ERI2: variants seen among roughly 807,000 people sequenced by gnomAD.
ERI2 encodes the protein ERI1 exoribonuclease family member 2.
A neutral mutation model predicts 46.8 loss-of-function variants in ERI2; 35 were observed. The observed-to-expected ratio is 0.75, with a 90% CI of 0.57 to 0.99. The LOEUF (loss-of-function observed/expected upper bound fraction) is 0.99. Among genes scored for constraint, ERI2 ranks in the 50% least tolerant of loss-of-function variants. The probability of loss-of-function intolerance (pLI) is 0.00; values close to 1 mark genes in which losing one functional copy is unlikely to be tolerated. For synonymous variants in ERI2, 224 were observed against 271.0 expected (o/e 0.83, Z 1.70); for missense variants, 695 against 796.2 (o/e 0.87, Z 1.53).
At chr16:20,791,565 A>G (rs2080597557), downstream of ERI2, among the ~76,000 whole-genome samples, 1 of 152,152 alleles carries the variant, frequency 6.6e-6, no homozygotes, top group South Asian at 2.1e-4. Flanking sequence ...TATTTTCACA[A>G]TCTATCTCTT....
chr16:20,783,649 A>G (rs1263379473), intron 10 of ERI2: 2 of 152,198 alleles, frequency 1.3e-5, no homozygotes, highest in Admixed American at 1.3e-4. Flanking sequence ...TTCACCTGCC[A>G]TAAAATTCAA....
chr16:20,801,483 C>T, intron 4 of ERI2, 124 bp from the exon 5 acceptor site: 1 of 1,085,722 alleles, frequency 9.2e-7, no homozygotes, highest in Non-Finnish European at 1.3e-6. Flanking sequence ...CATGAAAACA[C>T]AGTGTACTGT....
chr16:20,797,708 C>CT lies in ERI2; in HGVS notation c.*15_*16insA, dbSNP rs1173579309. ...GGAAATTCAAGGAACAATTAGGATTCATACATGAAAGGTTATCAATTCCTC... is the reference window on the plus strand; with the variant it reads ...GGAAATTCAAGGAACAATTAGGATTCTATACATGAAAGGTTATCAATTCCTC... On this transcript the variant is annotated 3_prime_UTR_variant, in exon 9 of 9. Coordinates refer to ENST00000357967, the MANE Select transcript of ERI2 (RefSeq NM_001142725.2). The CT allele has an allele frequency of 2.0e-6, 3 of 1,512,908 alleles. No homozygotes were observed. Among genetic ancestry groups the CT allele is most frequent in the Non-Finnish European group, 2.6e-6 (3 of 1,132,094 alleles). The allele number at this position is 1,512,908 out of a possible 1,614,324, so 93.7% of individuals were successfully genotyped here.
intron 10 of ERI2, chr16:20,781,059 T>A: frequency 6.2e-7 from 1 of 1,614,202 alleles, no homozygotes; most frequent in South Asian, 1.1e-5. Context: ...TAGTGTTTTT[T>A]CTCCGTGGAT....
chr16:20,791,927 G>GAAA, downstream of ERI2: 25 of 1,289,678 alleles, frequency 1.9e-5, no homozygotes, highest in Non-Finnish European at 2.0e-5. Context: ...GACTGTCTCG[G>GAAA]AAAAAAAAAA....
rs776505908 is a variant in ERI2 at position 20,797,410 on chromosome 16, A to G, written c.*314T>C. 9 of 1,003,518 alleles carry G rather than the reference A, an allele frequency of 9.0e-6. No homozygotes were observed. The highest frequency in any genetic ancestry group is 1.1e-5 in the Non-Finnish European group (9 of 837,192). The allele number at this position is 1,003,518 out of a possible 1,614,324, so 62.2% of individuals were successfully genotyped here. On this transcript the variant is annotated 3_prime_UTR_variant, in exon 9 of 9. Transcript: ENST00000357967. ...AAATATCAGTTAGAAGATTATGATAATCTCAAAGTACAAGAATCTACCTGA... is the reference window on the plus strand; with the variant it reads ...AAATATCAGTTAGAAGATTATGATAGTCTCAAAGTACAAGAATCTACCTGA...
chr16:20,781,701 A>G, intron 10 of ERI2: 1 of 1,609,102 alleles, frequency 6.2e-7, no homozygotes, highest in East Asian at 2.2e-5. Flanking sequence ...CTTTTTCTAA[A>G]TTGCAGACAC....
chr16:20,783,705 TCC>T (rs1172492202), intron 10 of ERI2: 1 of 152,194 alleles, frequency 6.6e-6, no homozygotes, highest in East Asian at 1.9e-4. Context: ...TCAAACCTTG[TCC>T]CCAGTGACCC....
chr16:20,792,397 C>G (rs1264437861), downstream of ERI2: 1 of 1,594,246 alleles, frequency 6.3e-7, no homozygotes, highest in Non-Finnish European at 8.6e-7. Flanking sequence ...TACTTACAAA[C>G]AGTAGCTCAG....
In ERI2 at chr16:20,796,942, A is replaced by C. The variant is rs1567368547; in HGVS notation, c.*782T>G. On this transcript the variant is annotated 3_prime_UTR_variant, in exon 9 of 9. Coordinates refer to ENST00000357967, the MANE Select transcript of ERI2 (RefSeq NM_001142725.2). ...TCAGTGGGAAGACAAAAAGAAATGA[A>C]CTGAGGAAGAAAGAATGGAAGACAA... is the stretch of plus-strand genomic sequence containing the variant. The C allele has an allele frequency of 6.2e-7, 1 of 1,613,156 alleles. No individual in the cohort carries two copies. Among genetic ancestry groups the C allele is most frequent in the East Asian group, 2.2e-5 (1 of 44,742 alleles).
rs2301770 is a variant in ERI2, at chr16:20,790,850, C to T, written c.815G>A (p.Gly272Asp). The T allele has an allele frequency of 0.077, 124,163 of 1,613,764 alleles. 5,358 individuals carry two copies. The highest frequency in any genetic ancestry group is 0.15 in the East Asian group (6,806 of 44,858). The change falls in exon 9 of 11, where the codon GGC becomes GAC. Residue 272 changes from glycine to aspartate, a missense_variant and splice_region_variant. Gly to Asp is a moderately conservative substitution (Grantham distance 94). Coordinates refer to the ERI2 transcript ENST00000300005. The surrounding 1 kb of genome is among the most constrained non-coding windows in gnomAD (Gnocchi z 4.0). ...AAAAGACAAGAAATTGAAGAAATAC[C>T]CAAATTCTTGCTGAAGAAAAGCATG...
At chr16:20,787,942 T>G (rs912843722) in intron 10 of ERI2, among the ~76,000 whole-genome samples, 1 of 152,164 alleles carries the variant, frequency 6.6e-6, no homozygotes, top group Non-Finnish European at 1.5e-5. Flanking sequence ...CTCAGATGGT[T>G]GGTAAACCAA....
At chr16:20,795,012 A>C (rs2080690929), downstream of ERI2, among the ~76,000 whole-genome samples, 1 of 152,250 alleles carries the variant, frequency 6.6e-6, no homozygotes, top group South Asian at 2.1e-4. Flanking sequence ...CACTTACAAC[A>C]AGCATAATTT....
rs2080753990 is a variant in ERI2, at chr16:20,798,100, C to G, written c.1700G>C (p.Ser567Thr). 6.4e-7 allele frequency: 1 copy of G among 1,551,416 alleles called. No individual in the cohort carries two copies. The highest frequency in any genetic ancestry group is 8.7e-7 in the Non-Finnish European group (1 of 1,146,834). ...AGATGGGAGACGCCTCCAGGAAGAACTTCTTACTGGGGAGCAATCAGATGA... is the reference window on the plus strand; with the variant it reads ...AGATGGGAGACGCCTCCAGGAAGAAGTTCTTACTGGGGAGCAATCAGATGA... Reference protein sequence around the residue: ...PTSSDCSPVRSSSWRRLPSIL... With the variant: ...PTSSDCSPVRTSSWRRLPSIL... The change falls in exon 9 of 9, where the codon AGT becomes ACT. Residue 567 changes from serine to threonine, a missense_variant. Physicochemically the swap from Ser to Thr is moderately conservative, Grantham distance 58. Transcript: ENST00000357967.
In ERI2 at chr16:20,798,000, A is replaced by G; in HGVS notation, c.1800T>C (p.Gly600=). 6.4e-7 allele frequency: 1 copy of G among 1,551,954 alleles called. No individual in the cohort carries two copies. Among genetic ancestry groups the G allele is most frequent in the Non-Finnish European group, 8.7e-7 (1 of 1,146,974 alleles). Residue 600 remains glycine, a synonymous_variant, in exon 9 of 9, where the codon GGT becomes GGC. Coordinates refer to ENST00000357967, the MANE Select transcript of ERI2 (RefSeq NM_001142725.2). ...GKMTPPLCKC[G]RRSKRLVVSN... ...AAACAACAAGTCTCTTAGATCTCCG[A>G]CCACACTTGCATAATGGAGGTGTCA...
chr16:20,784,792 T>C (rs1297843300), intron 10 of ERI2, among the ~76,000 whole-genome samples: 2 of 152,192 alleles, frequency 1.3e-5, no homozygotes, highest in African/African-American at 4.8e-5. Flanking sequence ...CTTTTTAATA[T>C]CTTTATTTTT....
chr16:20,803,362 C>T, intron 3 of ERI2, 71 bp downstream of exon 3: 2 of 1,508,090 alleles, frequency 1.3e-6, no homozygotes, highest in South Asian at 2.6e-5. Flanking sequence ...AAACTTTTGG[C>T]TGATTCAGAT....
At chr16:20,796,187 T>C, downstream of ERI2, 1 of 1,018,688 alleles carries the variant, frequency 9.8e-7, no homozygotes, top group Non-Finnish European at 1.4e-6. Flanking sequence ...TCCCAGAAGC[T>C]CTCCTGTATT....
intron 10 of ERI2, chr16:20,789,378 G>A (rs2080543306): frequency 4.8e-6 from 4 of 830,028 alleles, no homozygotes; most frequent in Admixed American, 2.0e-5. Context: ...TAATTACTTA[G>A]CATGTATTAA....
Sources: allele counts gnomAD v4.1 joint callset (sites outside exome capture counted in the v4.1 genomes callset), GRCh38; gene constraint gnomAD v4.1.1; non-coding constraint Gnocchi (gnomAD v3.1); transcripts MANE v1.5; gene names NCBI Gene and HGNC (gene_info 2026-07-23, HGNC 2026-07-21).